The following CTBP2 variants were observed in gnomAD, a reference collection of about 807,000 sequenced individuals.
The protein encoded by CTBP2 is C-terminal binding protein 2.
CTBP2 carries 30 observed loss-of-function variants against 80.3 expected under a neutral mutation model. The observed-to-expected ratio is 0.37, with a 90% CI of 0.28 to 0.51. The LOEUF is 0.51. Ranked by LOEUF, CTBP2 falls within the 20% of genes least tolerant of loss-of-function variation. The pLI is 0.93. For missense variants in CTBP2, 1,212 were observed against 1,375.3 expected (o/e 0.88, Z 1.88); for synonymous variants, 594 against 587.4 (o/e 1.01, Z -0.16).
intron 1 of CTBP2, among the ~76,000 whole-genome samples, chr10:125,120,514 G>A (rs1433681266): frequency 6.6e-6 from 1 of 152,126 alleles, no homozygotes. Context: ...AGCCTCCTGA[G>A]TAGCTGGGAT....
In CTBP2 at chr10:125,006,242, G is replaced by A. The variant is rs548907570; in HGVS notation, c.1679-2750C>T. Among the ~76,000 whole-genome samples the A allele has an allele frequency of 6.6e-4, 100 of 152,008 alleles. 1 individual carries two copies. Among genetic ancestry groups the A allele is most frequent in the Non-Finnish European group, 1.2e-3 (80 of 68,000 alleles). On this transcript the variant is annotated intron_variant, in intron 1 of 8. Transcript: ENST00000309035. ...GGCAGCAGGTCCTTCATGGCAAGGC[G>A]GGAAAAGAGAAAAGCCAACGGGTTC... is the stretch of plus-strand genomic sequence containing the variant.
chr10:125,115,423 G>C (rs889483381), intron 1 of CTBP2, among the ~76,000 whole-genome samples: 1 of 152,222 alleles, frequency 6.6e-6, no homozygotes, highest in Non-Finnish European at 1.5e-5. Flanking sequence ...ACAAGGGAAA[G>C]AACAAGGAGT....
rs151204827 is a variant in CTBP2 at position 125,027,355 on chromosome 10, C to T, written c.405G>A (p.Pro135=). Residue 135 remains proline (P), a synonymous_variant, in exon 1 of 9, where the codon CCG becomes CCA. Transcript: ENST00000309035. The stretch of plus-strand genomic sequence containing the variant: ...TGCCAAGCACTCCGTAGCTGGGGAC[C>T]GGCCGGCTGACTCCTGGGTCCCGAT... 58 of 1,613,388 alleles carry T rather than the reference C, an allele frequency of 3.6e-5. No homozygotes were observed. The highest frequency in any genetic ancestry group is 3.3e-4 in the Middle Eastern group (2 of 6,084).
At chr10:125,050,826 C>T (rs976727185) in intron 2 of CTBP2, among the ~76,000 whole-genome samples, 2 of 152,138 alleles carry the variant, frequency 1.3e-5, no homozygotes, top group African/African-American at 4.8e-5. Context: ...AAAGAGGTTG[C>T]TGGGGAGGAG....
intron 8 of CTBP2, among the ~76,000 whole-genome samples, chr10:124,991,479 G>A (rs777139164): frequency 1.1e-4 from 16 of 152,216 alleles, no homozygotes; most frequent in Non-Finnish European, 2.1e-4. Context: ...GGGCCAAAAG[G>A]ACGGGGCTGG....
At chr10:125,062,591 C>T (rs1037105600) in intron 2 of CTBP2, among the ~76,000 whole-genome samples, 1 of 152,118 alleles carries the variant, frequency 6.6e-6, no homozygotes, top group Non-Finnish European at 1.5e-5. Context: ...GGACCGGGTG[C>T]GGTAGCTCAC....
At position 124,998,391 on chromosome 10, in the gene CTBP2, A is replaced by G. The variant is rs1953955012; in HGVS notation, c.1979-221T>C. 8 of 589,706 alleles carry G rather than the reference A, an allele frequency of 1.4e-5. No individual in the cohort carries two copies. In the South Asian group the frequency reaches 1.6e-4, roughly 12 times the overall value. The allele number at this position is 589,706 out of a possible 1,614,324, so 36.5% of individuals were successfully genotyped here. A position where few individuals can be genotyped will look rare whatever the true frequency, so the allele number is the denominator to read the frequency against. On this transcript the variant is annotated intron_variant, in intron 3 of 8. Coordinates refer to ENST00000309035, the MANE Select transcript of CTBP2 (RefSeq NM_022802.3). ...CATCTACCCCTCCCTCCCAAGGAGG[A>G]CTTTTGCTCCAGGACGTGGCTCATG...
At chr10:125,067,070 T>C (rs147487563) in intron 2 of CTBP2, among the ~76,000 whole-genome samples, 8 of 152,300 alleles carry the variant, frequency 5.3e-5, no homozygotes, top group African/African-American at 1.9e-4. Flanking sequence ...GGGCGATTCA[T>C]TATTGGCCGG....
chr10:125,010,219 TAAAAAAAAAAAAA>T (rs59517853), intron 1 of CTBP2, among the ~76,000 whole-genome samples: 2 of 105,988 alleles, frequency 1.9e-5, no homozygotes, highest in South Asian at 7.3e-4. Flanking sequence ...ATTTTAAGGT[TAAAAAAAAAAAAA>T]AAAAAAAAAA....
intron 2 of CTBP2, among the ~76,000 whole-genome samples, chr10:125,073,076 G>A (rs1267524532): frequency 1.3e-5 from 2 of 152,336 alleles, no homozygotes; most frequent in African/African-American, 2.4e-5. Flanking sequence ...GTTCCACGCC[G>A]GCTCGCCCAA....
intron 1 of CTBP2, among the ~76,000 whole-genome samples, chr10:125,143,797 C>G (rs961613772): frequency 1.3e-5 from 2 of 152,006 alleles, no homozygotes; most frequent in African/African-American, 2.4e-5. Context: ...CACCATAAAT[C>G]ATAAAGTCAT....
intron 3 of CTBP2, among the ~76,000 whole-genome samples, chr10:125,037,291 G>A (rs1959002442): frequency 6.6e-6 from 1 of 152,184 alleles, no homozygotes; most frequent in South Asian, 2.1e-4. Context: ...CAGAGGAAAC[G>A]CTGCTAGCTC....
intron 1 of CTBP2, among the ~76,000 whole-genome samples, chr10:125,150,685 T>G (rs906311315): frequency 4.0e-5 from 6 of 149,634 alleles, no homozygotes; most frequent in African/African-American, 1.5e-4. Context: ...TGGCCAGGGC[T>G]GGAGAGCCGA....
In CTBP2 at chr10:125,027,844, T is replaced by A. The variant is rs1957814718; in HGVS notation, c.-85A>T. 8 of 1,443,066 alleles carry A rather than the reference T, an allele frequency of 5.5e-6. 1 individual carries two copies. In the South Asian group the frequency reaches 7.4e-5, roughly 13 times the overall value. The allele number at this position is 1,443,066 out of a possible 1,614,324, so 89.4% of individuals were successfully genotyped here. ...TACATACATCAAAAACAGACCTGGC[T>A]GTGTGCTAACCCTTCCGAGACGGCA... On this transcript the variant is annotated 5_prime_UTR_variant, in exon 1 of 9. Coordinates refer to ENST00000309035, the MANE Select transcript of CTBP2 (RefSeq NM_022802.3).
intron 1 of CTBP2, among the ~76,000 whole-genome samples, chr10:125,117,890 G>C (rs1001641708): frequency 6.6e-6 from 1 of 152,190 alleles, no homozygotes; most frequent in Admixed American, 6.5e-5. Context: ...ACTTCATTAT[G>C]ACCCCCTGAT....
intron 3 of CTBP2, among the ~76,000 whole-genome samples, chr10:125,034,340 A>C (rs113113628): frequency 2.3e-4 from 35 of 152,322 alleles, no homozygotes; most frequent in African/African-American, 7.9e-4. Flanking sequence ...TACCCCTTGC[A>C]AAGAACCGCA....
chr10:125,148,314 C>G (rs1859176084), intron 1 of CTBP2, among the ~76,000 whole-genome samples: 1 of 152,128 alleles, frequency 6.6e-6, no homozygotes, highest in Non-Finnish European at 1.5e-5. Context: ...AGGACCCTGA[C>G]ATGCCAAGTA....
intron 2 of CTBP2, among the ~76,000 whole-genome samples, chr10:125,054,422 A>G (rs571073835): frequency 8.5e-5 from 13 of 152,260 alleles, no homozygotes; most frequent in Non-Finnish European, 1.8e-4. Context: ...ACAGGAAACC[A>G]AGGCCCTCAG....
intron 1 of CTBP2, among the ~76,000 whole-genome samples, chr10:125,117,492 G>A (rs1180242852): frequency 2.6e-5 from 4 of 152,160 alleles, no homozygotes; most frequent in South Asian, 2.1e-4. Context: ...TATTAATTAC[G>A]CGCCTGGCCA....
Sources: gnomAD v4.1 joint callset for allele counts (sites outside exome capture counted in the v4.1 genomes callset) on GRCh38, gnomAD v4.1.1 for gene constraint, MANE v1.5 for transcripts, NCBI Gene and HGNC (gene_info 2026-07-23, HGNC 2026-07-21) for gene names.